Variants in ERGIC3 observed in about 807,000 individuals in gnomAD.
ERGIC3 encodes ERGIC and golgi 3, also known as endoplasmic reticulum-Golgi intermediate compartment protein 3.
In ERGIC3, 33 loss-of-function variants were observed where a neutral mutation model predicts 54.7. That is an observed-to-expected ratio of 0.60 (90% CI 0.46 to 0.81). The LOEUF is 0.81. ERGIC3 is among the 30% of genes least tolerant of loss of function. ERGIC3 has a pLI of 0.00. For synonymous variants in ERGIC3, 186 were observed against 189.8 expected (o/e 0.98, Z 0.16); for missense variants, 399 against 488.4 (o/e 0.82, Z 1.73).
intron 7 of ERGIC3, chr20:35,549,492 T>C (rs753494403): frequency 1.4e-5 from 4 of 291,654 alleles, no homozygotes; most frequent in African/African-American, 2.2e-5. Context: ...AAGGGTACAG[T>C]AGTGAACAAT....
At chr20:35,544,689 C>A in intron 4 of ERGIC3, 1 of 173,688 alleles carries the variant, frequency 5.8e-6, no homozygotes, top group South Asian at 1.2e-4. Context: ...TGCTCATGTT[C>A]TTGGTCATCT....
intron 7 of ERGIC3, 54 bp from the exon 8 acceptor site, chr20:35,554,990 A>G: frequency 1.3e-6 from 2 of 1,594,646 alleles, no homozygotes; most frequent in South Asian, 2.2e-5. Flanking sequence ...GGAGGAGGCC[A>G]GTGCTGCTCC....
intron 7 of ERGIC3, among the ~76,000 whole-genome samples, chr20:35,551,391 T>C (rs1281803655): frequency 1.3e-5 from 2 of 152,044 alleles, no homozygotes; most frequent in African/African-American, 4.8e-5. Context: ...ACAGCTGGTA[T>C]TCGGCTTTTG....
In ERGIC3 at chr20:35,556,187, G is replaced by A; in HGVS notation, c.815-20G>A. 6.2e-7 allele frequency: 1 copy of A among 1,614,182 alleles called. No individual in the cohort carries two copies. Among genetic ancestry groups the A allele is most frequent in the Non-Finnish European group, 8.5e-7 (1 of 1,180,024 alleles). ...AAGGCCGGCCGGGCACCCATACCCA[G>A]TGCTTTGTTTTCCCCTCAGCCTCCA... On this transcript the variant is annotated intron_variant, in intron 9 of 12. Transcript: ENST00000348547.
intron 8 of ERGIC3, among the ~76,000 whole-genome samples, chr20:35,555,456 A>G (rs1461650444): frequency 6.6e-6 from 1 of 152,178 alleles, no homozygotes; most frequent in Non-Finnish European, 1.5e-5. Context: ...AACAGTGGAA[A>G]GCTGTTGGCC....
In ERGIC3 at chr20:35,542,503, G is replaced by C. The variant is rs1272404621; in HGVS notation, c.160-10G>C. 6.2e-7 allele frequency: 1 copy of C among 1,613,846 alleles called. No individual in the cohort carries two copies. Among genetic ancestry groups the C allele is most frequent in the African/African-American group, 1.3e-5 (1 of 74,892 alleles). On this transcript the variant is annotated splice_polypyrimidine_tract_variant and intron_variant, in intron 2 of 12. Transcript: ENST00000348547. The stretch of plus-strand genomic sequence containing the variant: ...TGGGGCTAAGTCTTACTGAGGTAGC[G>C]CTGCCCCAGGTGCATCCTGAGCTCT...
intron 7 of ERGIC3, among the ~76,000 whole-genome samples, chr20:35,554,550 C>T (rs1443776485): frequency 1.3e-5 from 2 of 152,166 alleles, no homozygotes; most frequent in African/African-American, 2.4e-5. Context: ...TGGTTCCTTG[C>T]AGCAGGAGGG....
intron 10 of ERGIC3, chr20:35,556,687 T>G: frequency 1.9e-6 from 1 of 528,804 alleles, no homozygotes; most frequent in Admixed American, 3.2e-5. Flanking sequence ...TGGTGCGTCT[T>G]TGGAGAGCTG....
chr20:35,553,871 GC>G (rs2064696732), intron 7 of ERGIC3, among the ~76,000 whole-genome samples: 1 of 152,234 alleles, frequency 6.6e-6, no homozygotes, highest in Non-Finnish European at 1.5e-5. Flanking sequence ...GGATCCCCGG[GC>G]CGGGGGTGCT....
intron 7 of ERGIC3, among the ~76,000 whole-genome samples, chr20:35,552,119 A>G (rs1333385715): frequency 6.6e-6 from 1 of 152,192 alleles, no homozygotes; most frequent in African/African-American, 2.4e-5. Flanking sequence ...TGGAAAGTCC[A>G]AACTTAGCAC....
chr20:35,552,516 T>C (rs960352934), intron 7 of ERGIC3, among the ~76,000 whole-genome samples: 4 of 152,070 alleles, frequency 2.6e-5, no homozygotes, highest in African/African-American at 9.7e-5. Flanking sequence ...GAGTCAAATA[T>C]GTAAAGAACT....
intron 7 of ERGIC3, chr20:35,554,299 A>G (rs1327761716): frequency 1.9e-6 from 3 of 1,590,258 alleles, no homozygotes; most frequent in African/African-American, 2.7e-5. Flanking sequence ...CTCCTGCAAC[A>G]TATCTTGCTC....
chr20:35,551,850 G>A (rs1480796162), intron 7 of ERGIC3, among the ~76,000 whole-genome samples: 1 of 152,158 alleles, frequency 6.6e-6, no homozygotes, highest in Non-Finnish European at 1.5e-5. Context: ...GGGTTCGGGA[G>A]GGAATGGGGG....
At chr20:35,554,643 G>A (rs1040786715) in intron 7 of ERGIC3, among the ~76,000 whole-genome samples, 4 of 152,192 alleles carry the variant, frequency 2.6e-5, no homozygotes, top group Non-Finnish European at 5.9e-5. Flanking sequence ...GAGCTTTGAG[G>A]GTGGAGGCAG....
chr20:35,545,777 A>AC (rs1167884566), intron 4 of ERGIC3, among the ~76,000 whole-genome samples: 1 of 152,172 alleles, frequency 6.6e-6, no homozygotes, highest in African/African-American at 2.4e-5. Context: ...ATTTGCAGGA[A>AC]AGAGGAATCT....
In ERGIC3 at chr20:35,555,055, C is replaced by T; in HGVS notation, c.697C>T (p.Gln233Ter). Residue 233 changes from glutamine (Q) to a stop codon, truncating the protein, a stop_gained, in exon 8 of 13, where the codon CAG becomes TAG. Transcript: ENST00000348547. LOFTEE classifies it high-confidence loss of function. ...QQSHVHVHDL[Q>*]SFGLDNINMT... Reference sequence around the variant, plus strand: ...CCCTTCTCTCCTAGTCCATGACTTGCAGAGCTTTGGCCTTGACAACGTACG... The same window carrying T: ...CCCTTCTCTCCTAGTCCATGACTTGTAGAGCTTTGGCCTTGACAACGTACG... 6.2e-7 allele frequency: 1 copy of T among 1,611,044 alleles called. No homozygotes were observed. Among genetic ancestry groups the T allele is most frequent in the South Asian group, 1.1e-5 (1 of 91,030 alleles).
chr20:35,553,020 A>ATTTTTTTTTTTTTTTTTTTTTTT lies in ERGIC3; in HGVS notation c.686-2018_686-1996dup, dbSNP rs141438822. Among the ~76,000 whole-genome samples, 43 of 41,562 alleles carry ATTTTTTTTTTTTTTTTTTTTTTT rather than the reference A, an allele frequency of 1.0e-3. 16 individuals are homozygous for ATTTTTTTTTTTTTTTTTTTTTTT. The highest frequency in any genetic ancestry group is 1.8e-3 in the Admixed American group (4 of 2,214). 27.3% of individuals were successfully genotyped at this position (41,562 alleles called of 152,430 possible). ...TTTGCCCTGAGCTTCAAAGCTGGGG[A>ATTTTTTTTTTTTTTTTTTTTTTT]TTTTTTTTTTTTTTTTTTTTTTTTT... On this transcript the variant is annotated intron_variant, in intron 7 of 12. Coordinates refer to ENST00000348547, the MANE Select transcript of ERGIC3 (RefSeq NM_015966.3).
chr20:35,556,916 G>T, intron 10 of ERGIC3, 57 bp from the exon 11 acceptor site: 10 of 1,610,286 alleles, frequency 6.2e-6, no homozygotes, highest in South Asian at 1.1e-5. Flanking sequence ...TGGGGCTGAT[G>T]GTGGCTGGAG....
rs1223079662 is a variant in ERGIC3, at chr20:35,542,913, C to T, written c.339C>T (p.Ile113=). The change falls in exon 4 of 13, where the codon ATC becomes ATT. Residue 113 remains isoleucine, a synonymous_variant. Transcript: ENST00000348547. ...LFKQRLDKDG[I]PVSSEAERHE... is the part of the protein sequence containing the mutation. ...AGCAACGACTAGATAAAGATGGCAT[C>T]CCCGTGAGCTCAGAGGCTGAGCGGC... The T allele has an allele frequency of 1.9e-6, 3 of 1,614,060 alleles. No individual in the cohort carries two copies. The highest frequency in any genetic ancestry group is 2.5e-6 in the Non-Finnish European group (3 of 1,179,998).
Sources: gnomAD v4.1 joint callset for allele counts (sites outside exome capture counted in the v4.1 genomes callset) on GRCh38, gnomAD v4.1.1 for gene constraint, MANE v1.5 for transcripts, NCBI Gene and HGNC (gene_info 2026-07-23, HGNC 2026-07-21) for gene names.